The following RWDD2A variants were observed in gnomAD, a reference collection of about 807,000 sequenced individuals.
RWDD2A encodes RWD domain-containing protein 2A.
A neutral mutation model predicts 23.1 loss-of-function variants in RWDD2A; 15 were observed. That is an observed-to-expected ratio of 0.65 (90% CI 0.43 to 1.00). The LOEUF (loss-of-function observed/expected upper bound fraction) is 1.00, where lower values mean the gene tolerates loss of function less well. Among genes scored for constraint, RWDD2A ranks in the 50% least tolerant of loss-of-function variants. The pLI is 0.00. For missense variants in RWDD2A, 310 were observed against 341.7 expected (o/e 0.91, Z 0.73); for synonymous variants, 103 against 123.0 (o/e 0.84, Z 1.08).
chr6:83,195,564 G>T (rs574633815), intron 2 of RWDD2A, 31 bp from the exon 3 acceptor site: 1 of 1,568,498 alleles, frequency 6.4e-7, no homozygotes, highest in African/African-American at 1.4e-5. Context: ...TGATGTTATG[G>T]TATTTAAATC....
In RWDD2A at chr6:83,197,270, A is replaced by C. The variant is rs2128519903; in HGVS notation, c.*998A>C. The C allele has an allele frequency of 6.6e-6, 1 of 152,292 alleles. No individual in the cohort carries two copies. The highest frequency in any genetic ancestry group is 3.4e-3 in the Middle Eastern group (1 of 294). The allele number at this position is 152,292 out of a possible 1,614,324, so 9.4% of individuals were successfully genotyped here. A position where few individuals can be genotyped will look rare whatever the true frequency, so the allele number is the denominator to read the frequency against. Reference sequence around the variant, plus strand: ...CTGTGTGCCAGTATGCATTACTATAAAGGGCAAGAGACTGTTGAGGGGACC... The same window carrying C: ...CTGTGTGCCAGTATGCATTACTATACAGGGCAAGAGACTGTTGAGGGGACC... On this transcript the variant is annotated 3_prime_UTR_variant, in exon 3 of 3. Coordinates refer to ENST00000369724, the MANE Select transcript of RWDD2A (RefSeq NM_033411.5).
At position 83,198,034 on chromosome 6, in the gene RWDD2A, G is replaced by C. The variant is rs184194560; in HGVS notation, c.*1762G>C. On this transcript the variant is annotated 3_prime_UTR_variant, in exon 3 of 3. Transcript: ENST00000369724. The stretch of plus-strand genomic sequence containing the variant: ...GCCTATATGCAAAGGGAAGAAATAG[G>C]ACTTACATTGCCAAGGAATCACTTC... 1 of 152,278 alleles carries C rather than the reference G, an allele frequency of 6.6e-6. No homozygotes were observed. The highest frequency in any genetic ancestry group is 1.9e-4 in the East Asian group (1 of 5,168). The allele number at this position is 152,278 out of a possible 1,614,324, so 9.4% of individuals were successfully genotyped here.
chr6:83,195,830 C>A lies in RWDD2A; in HGVS notation c.437C>A (p.Thr146Lys), dbSNP rs752926837. 6.2e-7 allele frequency: 1 copy of A among 1,614,192 alleles called. No homozygotes were observed. The highest frequency in any genetic ancestry group is 1.1e-5 in the South Asian group (1 of 91,090). ...LNRKLVYEPS[T>K]QAKPVKNTFL... Reference sequence around the variant, plus strand: ...AGAAAGCTTGTATATGAACCATCTACACAAGCAAAGCCAGTCAAGAACACA... The same window carrying A: ...AGAAAGCTTGTATATGAACCATCTAAACAAGCAAAGCCAGTCAAGAACACA... The change falls in exon 3 of 3, where the codon ACA (threonine) becomes AAA (lysine). Residue 146 changes from threonine (T) to lysine (K), a missense_variant. Transcript: ENST00000369724.
At chr6:83,193,768 TC>T in intron 1 of RWDD2A, 1 of 152,970 alleles carries the variant, frequency 6.5e-6, no homozygotes, top group Non-Finnish European at 1.5e-5. Context: ...GGTACCCCCT[TC>T]CCCCAGCTCA....
Position 83,198,365 on chromosome 6 carries a change from C to G in RWDD2A, c.*2093C>G, listed in dbSNP as rs1328423023. On this transcript the variant is annotated 3_prime_UTR_variant, in exon 3 of 3. Transcript: ENST00000369724. ...AGAACCTACTTTTTTATAAATAAGT[C>G]TAATTTGAGCATTCTGCAATACTTT... 6.6e-6 allele frequency: 1 copy of G among 152,038 alleles called. No homozygotes were observed. Among genetic ancestry groups the G allele is most frequent in the African/African-American group, 2.4e-5 (1 of 41,362 alleles). 9.4% of individuals were successfully genotyped at this position (152,038 alleles called of 1,614,324 possible).
Position 83,195,782 on chromosome 6 carries a change from A to G in RWDD2A, c.389A>G (p.Asn130Ser). The G allele has an allele frequency of 6.2e-7, 1 of 1,614,206 alleles. No individual in the cohort carries two copies. The highest frequency in any genetic ancestry group is 8.5e-7 in the Non-Finnish European group (1 of 1,180,034). Residue 130 changes from asparagine to serine, a missense_variant, in exon 3 of 3, where the codon AAC becomes AGC. Asn to Ser is a conservative substitution (Grantham distance 46, BLOSUM62 1). Coordinates refer to ENST00000369724, the MANE Select transcript of RWDD2A (RefSeq NM_033411.5). The stretch of plus-strand genomic sequence containing the variant: ...GCAGCAATCCAGTGGCTACAGGACA[A>G]CAGTGCATCTTATTTCCTGAACAGA... ...VCAAIQWLQD[N>S]SASYFLNRKL...
In RWDD2A at chr6:83,197,532, G is replaced by T. The variant is rs1231817008; in HGVS notation, c.*1260G>T. 6.6e-6 allele frequency: 1 copy of T among 152,184 alleles called. No individual in the cohort carries two copies. The highest frequency in any genetic ancestry group is 2.4e-5 in the African/African-American group (1 of 41,440). The allele number at this position is 152,184 out of a possible 1,614,324, so 9.4% of individuals were successfully genotyped here. On this transcript the variant is annotated 3_prime_UTR_variant, in exon 3 of 3. Coordinates refer to ENST00000369724, the MANE Select transcript of RWDD2A (RefSeq NM_033411.5). ...TTTCTGCGAGTCTCATGTGCTAAGA[G>T]ATGTCTTGAGCAGCCTCTGCAGCTT...
Position 83,197,110 on chromosome 6 carries a change from A to G in RWDD2A, c.*838A>G, listed in dbSNP as rs1423651297. On this transcript the variant is annotated 3_prime_UTR_variant, in exon 3 of 3. Transcript: ENST00000369724. Reference sequence around the variant, plus strand: ...GAGTTAAAAGATGACACACAATGCTATGTGTTCTGGCTGTTTATATCAGTT... The same window carrying G: ...GAGTTAAAAGATGACACACAATGCTGTGTGTTCTGGCTGTTTATATCAGTT... The G allele has an allele frequency of 6.6e-6, 1 of 152,228 alleles. No individual in the cohort carries two copies. Among genetic ancestry groups the G allele is most frequent in the East Asian group, 1.9e-4 (1 of 5,206 alleles). 9.4% of individuals were successfully genotyped at this position (152,228 alleles called of 1,614,324 possible).
chr6:83,196,120 G>C lies in RWDD2A; in HGVS notation c.727G>C (p.Glu243Gln), dbSNP rs768596407. The C allele has an allele frequency of 4.3e-6, 7 of 1,613,910 alleles. No homozygotes were observed. The highest frequency in any genetic ancestry group is 4.0e-5 in the African/African-American group (3 of 74,922). ...GEDLRLFHSF[E>Q]ELLLEAHGDY... is the part of the protein sequence containing the mutation. ...GGACCTGCGCCTTTTCCATTCTTTT[G>C]AAGAGTTACTCCTTGAGGCTCATGG... Residue 243 changes from glutamate to glutamine, a missense_variant, in exon 3 of 3, where the codon GAA (glutamate) becomes CAA (glutamine). Glu to Gln is a conservative substitution (Grantham distance 29). Transcript: ENST00000369724.
Position 83,196,183 on chromosome 6 carries a change from G to A in RWDD2A, c.790G>A (p.Gly264Ser). 1 of 1,610,442 alleles carries A rather than the reference G, an allele frequency of 6.2e-7. No individual in the cohort carries two copies. The highest frequency in any genetic ancestry group is 8.5e-7 in the Non-Finnish European group (1 of 1,178,886). The change falls in exon 3 of 3, where the codon GGC becomes AGC. Residue 264 changes from glycine to serine, a missense_variant. Physicochemically the swap from Gly to Ser is moderately conservative, Grantham distance 56. Coordinates refer to ENST00000369724, the MANE Select transcript of RWDD2A (RefSeq NM_033411.5). The part of the protein sequence containing the change: ...GLRNDYHMNL[G>S]QFLEFLKKHK... ...AAGGAATGACTATCACATGAATCTGGGCCAATTCTTAGAATTTCTCAAGAA... is the reference window on the plus strand; with the variant it reads ...AAGGAATGACTATCACATGAATCTGAGCCAATTCTTAGAATTTCTCAAGAA...
rs754290861 is a variant in RWDD2A at position 83,195,887 on chromosome 6, T to C, written c.494T>C (p.Ile165Thr). 3 of 1,614,078 alleles carry C rather than the reference T, an allele frequency of 1.9e-6. No homozygotes were observed. The highest frequency in any genetic ancestry group is 1.7e-5 in the Admixed American group (1 of 60,012). Reference protein sequence around the residue: ...FLRMWIYSHHIYQQDLRKKIL... With the variant: ...FLRMWIYSHHTYQQDLRKKIL... ...CGAATGTGGATCTACAGTCACCATA[T>C]ATATCAGCAGGACCTAAGGAAAAAG... is the stretch of plus-strand genomic sequence containing the variant. Residue 165 changes from isoleucine to threonine, a missense_variant, in exon 3 of 3, where the codon ATA becomes ACA. By Grantham distance (89) the Ile-to-Thr change is moderately conservative. Coordinates refer to ENST00000369724, the MANE Select transcript of RWDD2A (RefSeq NM_033411.5).
At position 83,194,455 on chromosome 6, in the gene RWDD2A, T is replaced by G; in HGVS notation, c.4T>G (p.Ser2Ala). 6.2e-7 allele frequency: 1 copy of G among 1,613,630 alleles called. No individual in the cohort carries two copies. The highest frequency in any genetic ancestry group is 2.2e-5 in the East Asian group (1 of 44,880). MSASVKESLQLQ... is the reference protein window; with the variant it reads MAASVKESLQLQ... The stretch of plus-strand genomic sequence containing the variant: ...GGCAGGCTGATTGCGAGGCAACATG[T>G]CTGCTTCGGTGAAAGAAAGCCTTCA... Residue 2 changes from serine to alanine, a missense_variant, in exon 2 of 3, where the codon TCT (serine) becomes GCT (alanine). By Grantham distance (99) the Ser-to-Ala change is moderately conservative (BLOSUM62 1). Transcript: ENST00000369724.
rs1280441600 is a variant in RWDD2A at position 83,197,323 on chromosome 6, T to C, written c.*1051T>C. The C allele has an allele frequency of 6.6e-6, 1 of 152,096 alleles. No individual in the cohort carries two copies. The highest frequency in any genetic ancestry group is 1.5e-5 in the Non-Finnish European group (1 of 68,008). 9.4% of individuals were successfully genotyped at this position (152,096 alleles called of 1,614,324 possible). ...TGTGGATATCTGCATCATTACCTTA[T>C]TGGGAAAAAAAAAATCTAATTCTAC... On this transcript the variant is annotated 3_prime_UTR_variant, in exon 3 of 3. Transcript: ENST00000369724.
At chr6:83,194,737 A>G in intron 2 of RWDD2A, 85 bp downstream of exon 2, 1 of 1,000,096 alleles carries the variant, frequency 1.0e-6, no homozygotes, top group South Asian at 1.5e-5. Context: ...AAGGAAAGAT[A>G]GAAATATTCC....
intron 1 of RWDD2A, chr6:83,193,915 G>C (rs1185055974): frequency 1.1e-5 from 1 of 91,138 alleles, no homozygotes; most frequent in Non-Finnish European, 2.4e-5. Flanking sequence ...CCGCGGTGTT[G>C]GGGGGGGGCG....
Position 83,193,566 on chromosome 6 carries a change from T to C in RWDD2A, c.-141+123T>C, listed in dbSNP as rs559674945. 6 of 152,184 alleles carry C rather than the reference T, an allele frequency of 3.9e-5. No individual in the cohort carries two copies. The East Asian group carries it at 1.2e-3, about 30-fold the overall frequency. The allele number at this position is 152,184 out of a possible 1,614,324, so 9.4% of individuals were successfully genotyped here. ...CCTCTGGGGGCGGCAGGCCCTGCGTTCCTGGGAAGCCGGGGTTCCTAGTGG... is the reference window on the plus strand; with the variant it reads ...CCTCTGGGGGCGGCAGGCCCTGCGTCCCTGGGAAGCCGGGGTTCCTAGTGG... On this transcript the variant is annotated intron_variant, in intron 1 of 2. Coordinates refer to ENST00000369724, the MANE Select transcript of RWDD2A (RefSeq NM_033411.5).
chr6:83,195,301 CT>C (rs988571606), intron 2 of RWDD2A, among the ~76,000 whole-genome samples: 1 of 152,198 alleles, frequency 6.6e-6, no homozygotes, highest in African/African-American at 2.4e-5. Flanking sequence ...AAATTAAATA[CT>C]TGCTATATGT....
Position 83,197,216 on chromosome 6 carries a change from G to A in RWDD2A, c.*944G>A, listed in dbSNP as rs1789620538. On this transcript the variant is annotated 3_prime_UTR_variant, in exon 3 of 3. Transcript: ENST00000369724. ...AAACACATGGTTCCTTGTCTACAAAGTATTCGCCTGTTTCAATCCAACCTT... is the reference window on the plus strand; with the variant it reads ...AAACACATGGTTCCTTGTCTACAAAATATTCGCCTGTTTCAATCCAACCTT... 1 of 152,120 alleles carries A rather than the reference G, an allele frequency of 6.6e-6. No individual in the cohort carries two copies. 9.4% of individuals were successfully genotyped at this position (152,120 alleles called of 1,614,324 possible). A position where few individuals can be genotyped will look rare whatever the true frequency, so the allele number is the denominator to read the frequency against.
At position 83,196,353 on chromosome 6, in the gene RWDD2A, C is replaced by CTG. The variant is rs1789588913; in HGVS notation, c.*85_*86dup. On this transcript the variant is annotated 3_prime_UTR_variant, in exon 3 of 3. Coordinates refer to ENST00000369724, the MANE Select transcript of RWDD2A (RefSeq NM_033411.5). Reference sequence around the variant, plus strand: ...AAGACCAAATTAAAAAGGCTAGTGGCTGTGTAGCATCCTCAGTGCAAAACC... The same window carrying CTG: ...AAGACCAAATTAAAAAGGCTAGTGGCTGTGTGTAGCATCCTCAGTGCAAAACC... 24 of 1,201,408 alleles carry CTG rather than the reference C, an allele frequency of 2.0e-5. No homozygotes were observed. The South Asian group carries it at 4.3e-4, about 21-fold the overall frequency. 74.4% of individuals were successfully genotyped at this position (1,201,408 alleles called of 1,614,324 possible).
Sources: allele counts gnomAD v4.1 joint callset (sites outside exome capture counted in the v4.1 genomes callset), GRCh38; gene constraint gnomAD v4.1.1; transcripts MANE v1.5; gene names NCBI Gene and HGNC (gene_info 2026-07-23, HGNC 2026-07-21).